RALGAPA1: variants seen among roughly 807,000 people sequenced by gnomAD.
The protein encoded by RALGAPA1 is ral GTPase-activating protein subunit alpha-1.
Under a neutral mutation model 269.6 loss-of-function variants are expected in RALGAPA1, and 52 were observed. The observed-to-expected ratio is 0.19, with a 90% confidence interval of 0.15 to 0.24. RALGAPA1 has a LOEUF of 0.24. Among genes scored for constraint, RALGAPA1 ranks in the 10% least tolerant of loss-of-function variants. The pLI, the probability that RALGAPA1 is intolerant of heterozygous loss-of-function variation, is 1.00. For missense variants in RALGAPA1, 1,917 were observed against 3,013.9 expected (o/e 0.64, Z 8.52); for synonymous variants, 817 against 1,008.3 (o/e 0.81, Z 3.60).
At chr14:35,703,205 C>T (rs1595216066) in intron 16 of RALGAPA1, among the ~76,000 whole-genome samples, 2 of 152,188 alleles carry the variant, frequency 1.3e-5, no homozygotes, top group African/African-American at 4.8e-5. Context: ...GGTGTGGTAG[C>T]TCACACCTGT....
At position 35,738,534 on chromosome 14, in the gene RALGAPA1, A is replaced by G. The variant is rs1381532778; in HGVS notation, c.1566T>C (p.Ala522=). The G allele has an allele frequency of 2.5e-6, 4 of 1,605,954 alleles. No homozygotes were observed. In the East Asian group the frequency reaches 6.7e-5, roughly 27 times the overall value. Residue 522 remains alanine, a synonymous_variant, in exon 12 of 42, where the codon GCT becomes GCC. Transcript: ENST00000680220. ...SEEATEQNIR[A]GTQAVLQVFI... The stretch of plus-strand genomic sequence containing the variant: ...CCACCTGCAAAACTGCCTGGGTACC[A>G]GCTCGTATGTTTTGTTCTGTGGCTT...
In RALGAPA1 at chr14:35,674,628, A is replaced by G; in HGVS notation, c.4706T>C (p.Val1569Ala). The G allele has an allele frequency of 6.4e-7, 1 of 1,573,382 alleles. No homozygotes were observed. Among genetic ancestry groups the G allele is most frequent in the Non-Finnish European group, 8.7e-7 (1 of 1,143,540 alleles). The change falls in exon 23 of 42, where the codon GTA (valine) becomes GCA (alanine). Residue 1569 changes from valine to alanine, a missense_variant. Physicochemically the swap from Val to Ala is moderately conservative, Grantham distance 64. This residue lies in a region of RALGAPA1 where 73 missense variants were observed against 190.6 expected (regional missense o/e 0.38). Transcript: ENST00000680220. ...LTGWHADVAT[V>A]MWRRMLGILG... ...AATGCCTAGCATTCTTCGCCACATT[A>G]CAGTAGCAACATCAGCATGCCATCC...
At chr14:35,680,349 AG>A (rs1372228178) in intron 21 of RALGAPA1, among the ~76,000 whole-genome samples, 2 of 151,974 alleles carry the variant, frequency 1.3e-5, no homozygotes, top group African/African-American at 4.8e-5. Context: ...CTGGGATTAC[AG>A]GTGTCCACCA....
rs528665853 is a variant in RALGAPA1, at chr14:35,662,065, T to C, written c.5328+2577A>G. 3.9e-5 allele frequency among the ~76,000 whole-genome samples: 6 copies of C among 152,314 alleles called. No homozygotes were observed. The East Asian group carries it at 7.7e-4, about 20-fold the overall frequency. On this transcript the variant is annotated intron_variant, in intron 27 of 41. Coordinates refer to ENST00000680220, the MANE Select transcript of RALGAPA1 (RefSeq NM_001346249.2). ...TGATGGTTGCACAATTCTGTGACTATACTAAACATTATTAAATGAGTGAAC... is the reference window on the plus strand; with the variant it reads ...TGATGGTTGCACAATTCTGTGACTACACTAAACATTATTAAATGAGTGAAC...
chr14:35,544,511 C>T (rs936956448), intron 41 of RALGAPA1, among the ~76,000 whole-genome samples: 1 of 152,098 alleles, frequency 6.6e-6, no homozygotes, highest in African/African-American at 2.4e-5. Flanking sequence ...AGTAATAGCA[C>T]AATTATTATT....
At chr14:35,769,065 T>TATATATATAC (rs1237249622) in intron 4 of RALGAPA1, among the ~76,000 whole-genome samples, 3 of 77,792 alleles carry the variant, frequency 3.9e-5, no homozygotes, top group African/African-American at 1.4e-4. Flanking sequence ...TATATATATA[T>TATATATATAC]ACACACACAT....
intron 39 of RALGAPA1, among the ~76,000 whole-genome samples, chr14:35,568,488 T>A (rs982530716): frequency 6.6e-6 from 1 of 152,150 alleles, no homozygotes; most frequent in Non-Finnish European, 1.5e-5. Context: ...GCATCTTGTT[T>A]TGTTTAAAGG....
chr14:35,759,081 G>A (rs1452934281), intron 6 of RALGAPA1, among the ~76,000 whole-genome samples: 4 of 152,118 alleles, frequency 2.6e-5, no homozygotes, highest in Non-Finnish European at 5.9e-5. Context: ...CAACAAAGCA[G>A]GACCCTGTCT....
intron 34 of RALGAPA1, among the ~76,000 whole-genome samples, chr14:35,626,809 AT>A (rs546784156): frequency 2.8e-4 from 43 of 152,126 alleles, no homozygotes; most frequent in Middle Eastern, 3.4e-3. Flanking sequence ...TAAAAAAAAA[AT>A]TATTAGGCTT....
intron 2 of RALGAPA1, 40 bp downstream of exon 2, chr14:35,775,595 G>T (rs2074959863): frequency 6.5e-7 from 1 of 1,539,002 alleles, no homozygotes; most frequent in African/African-American, 1.4e-5. Context: ...ACAATTATTA[G>T]AAATATTAAC....
At chr14:35,794,175 C>CT (rs1202706208) in intron 1 of RALGAPA1, among the ~76,000 whole-genome samples, 1 of 152,080 alleles carries the variant, frequency 6.6e-6, no homozygotes, top group Non-Finnish European at 1.5e-5. Flanking sequence ...ATATCAAACT[C>CT]TAAAAATAAT....
chr14:35,592,324 G>A (rs2058687050), intron 37 of RALGAPA1, among the ~76,000 whole-genome samples: 1 of 152,086 alleles, frequency 6.6e-6, no homozygotes, highest in Non-Finnish European at 1.5e-5. Flanking sequence ...AGGAAGAAAT[G>A]GAAAGTCTGA....
intron 13 of RALGAPA1, among the ~76,000 whole-genome samples, 198 bp from the exon 14 acceptor site, chr14:35,725,351 T>C (rs942401120): frequency 7.9e-5 from 12 of 152,306 alleles, no homozygotes; most frequent in Admixed American, 5.2e-4. Context: ...TTTAAAATCA[T>C]TTATCGGCCA....
In RALGAPA1 at chr14:35,677,963, T is replaced by A; in HGVS notation, c.4611A>T (p.Thr1537=). ...TTGAAATATTGCCTAGATCATCTGG[T>A]GTCTGAAGAACAGAGTGGTGGAGCT... ...DEKLHHSVLQ[T]PDDLEISEFP... is the part of the protein sequence containing the mutation. Residue 1537 remains threonine (T), a synonymous_variant, in exon 22 of 42, where the codon ACA becomes ACT. Coordinates refer to ENST00000680220, the MANE Select transcript of RALGAPA1 (RefSeq NM_001346249.2). The A allele has an allele frequency of 6.2e-7, 1 of 1,613,546 alleles. No individual in the cohort carries two copies. Among genetic ancestry groups the A allele is most frequent in the Non-Finnish European group, 8.5e-7 (1 of 1,179,842 alleles).
chr14:35,551,244 G>GA (rs1167883470), intron 39 of RALGAPA1, among the ~76,000 whole-genome samples: 1 of 151,674 alleles, frequency 6.6e-6, no homozygotes, highest in Non-Finnish European at 1.5e-5. Flanking sequence ...GCTCTTCTGA[G>GA]AAAAAAAATA....
intron 31 of RALGAPA1, among the ~76,000 whole-genome samples, chr14:35,650,146 T>G (rs980933383): frequency 6.6e-6 from 1 of 152,000 alleles, no homozygotes; most frequent in Non-Finnish European, 1.5e-5. Flanking sequence ...CCGAGGCAGG[T>G]GGATCACTTG....
At chr14:35,651,658 T>G (rs1413042462) in intron 31 of RALGAPA1, 147 bp downstream of exon 31, 10 of 609,320 alleles carry the variant, frequency 1.6e-5, no homozygotes, top group Non-Finnish European at 2.2e-5. Context: ...TTAGTTATAC[T>G]TAAATAACAG....
At chr14:35,554,383 G>A (rs1184319645) in intron 39 of RALGAPA1, among the ~76,000 whole-genome samples, 1 of 108,706 alleles carries the variant, frequency 9.2e-6, no homozygotes, top group Non-Finnish European at 1.7e-5. Context: ...GTCTCACTCT[G>A]TCGCCCAGGC....
chr14:35,589,068 T>TG (rs2058479221), intron 37 of RALGAPA1, among the ~76,000 whole-genome samples: 1 of 152,182 alleles, frequency 6.6e-6, no homozygotes. Flanking sequence ...CATAGAAAGA[T>TG]GGAGTACAGT....
Sources: allele counts gnomAD v4.1 joint callset (sites outside exome capture counted in the v4.1 genomes callset), GRCh38; gene constraint gnomAD v4.1.1; regional missense constraint gnomAD v4.1.1; transcripts MANE v1.5; gene names NCBI Gene and HGNC (gene_info 2026-07-23, HGNC 2026-07-21).